The following CHMP4A variants were observed in gnomAD, a reference collection of about 807,000 sequenced individuals.
The protein encoded by CHMP4A is charged multivesicular body protein 4A, also known as SNF7 homolog associated with Alix-2.
Under a neutral mutation model 28.2 loss-of-function variants are expected in CHMP4A, and 29 were observed. The ratio of observed to expected loss-of-function variants is 1.03; its 90% CI spans 0.77 to 1.40. CHMP4A has a LOEUF of 1.40. Among genes scored for constraint, CHMP4A ranks in the 40% most tolerant of loss-of-function variants. CHMP4A has a pLI of 0.00. For missense variants in CHMP4A, 241 were observed against 263.5 expected (o/e 0.91, Z 0.59); for synonymous variants, 88 against 99.3 (o/e 0.89, Z 0.67).
Position 24,213,418 on chromosome 14 carries a change from A to G in CHMP4A, c.22T>C (p.Phe8Leu), listed in dbSNP as rs1457849995. The change falls in exon 1 of 6, where the codon TTC becomes CTC. Residue 8 changes from phenylalanine (F) to leucine (L), a missense_variant. Physicochemically the swap from Phe to Leu is conservative, Grantham distance 22 (BLOSUM62 0). Coordinates refer to ENST00000347519, the MANE Select transcript of CHMP4A (RefSeq NM_014169.5). ...TCCCACCCTGGCTCACCCTTCCCGA[A>G]GAGCCTGCCGAGACCACTCATCGCG... MSGLGRL[F>L]GKGKKEKGPT... is the part of the protein sequence containing the mutation. 1.9e-6 allele frequency: 3 copies of G among 1,603,724 alleles called. No homozygotes were observed. Among genetic ancestry groups the G allele is most frequent in the Non-Finnish European group, 2.5e-6 (3 of 1,176,776 alleles).
intron 4 of CHMP4A, 47 bp from the exon 5 acceptor site, chr14:24,210,530 A>G (rs770462288): frequency 6.2e-7 from 1 of 1,600,194 alleles, no homozygotes. Context: ...AAAAACTTCT[A>G]CCTCCAAAAA....
chr14:24,209,691 T>G lies in CHMP4A; in HGVS notation c.*186A>C. On this transcript the variant is annotated 3_prime_UTR_variant, in exon 6 of 6. Transcript: ENST00000347519. ...GAGAAGGGAGCCCAAGGGCTCCTTC[T>G]GTAGCAAGATCCTTCTTCAGAGTTG... The G allele has an allele frequency of 4.7e-6, 3 of 633,062 alleles. No homozygotes were observed. Among genetic ancestry groups the G allele is most frequent in the Non-Finnish European group, 8.5e-6 (3 of 351,286 alleles). 39.2% of individuals were successfully genotyped at this position (633,062 alleles called of 1,614,324 possible). A position where few individuals can be genotyped will look rare whatever the true frequency, so the allele number is the denominator to read the frequency against.
chr14:24,213,467 C>A lies in CHMP4A; in HGVS notation c.-28G>T. The A allele has an allele frequency of 6.2e-7, 1 of 1,613,038 alleles. No homozygotes were observed. Among genetic ancestry groups the A allele is most frequent in the Non-Finnish European group, 8.5e-7 (1 of 1,179,674 alleles). On this transcript the variant is annotated 5_prime_UTR_variant, in exon 1 of 6. Transcript: ENST00000347519. ...CGAGCTCGCCTCTCCCGCCTCCGCC[C>A]CTCAGCGTCCTCCAGACTTCCGCCT...
At position 24,211,791 on chromosome 14, in the gene CHMP4A, G is replaced by A. The variant is rs375389578; in HGVS notation, c.70C>T (p.Gln24Ter). Residue 24 changes from glutamine (Q) to a stop codon, truncating the protein, a stop_gained, in exon 2 of 6, where the codon CAG becomes TAG. Coordinates refer to ENST00000347519, the MANE Select transcript of CHMP4A (RefSeq NM_014169.5). LOFTEE classifies it high-confidence loss of function. ...ATCTTCTCTGTCTCCTTCAGTTTCT[G>A]TATTGCTTCTTCAGGGGTTGGCCCT... ...EKGPTPEEAI[Q>*]KLKETEKILI... 5.6e-6 allele frequency: 9 copies of A among 1,613,948 alleles called. No individual in the cohort carries two copies. Among genetic ancestry groups the A allele is most frequent in the Non-Finnish European group, 7.6e-6 (9 of 1,180,022 alleles).
chr14:24,210,012 G>A (rs117408687), intron 5 of CHMP4A, 77 bp from the exon 6 acceptor site: 13,938 of 1,298,566 alleles, frequency 0.011, 171 homozygotes, highest in Admixed American at 0.047. Flanking sequence ...CCCCTGCTAT[G>A]ACATTCAGAG....
Position 24,210,676 on chromosome 14 carries a change from C to A in CHMP4A, c.452G>T (p.Gly151Val), listed in dbSNP as rs754252657. 1 of 1,613,810 alleles carries A rather than the reference C, an allele frequency of 6.2e-7. No homozygotes were observed. The highest frequency in any genetic ancestry group is 1.3e-5 in the African/African-American group (1 of 74,900). The change falls in exon 4 of 6, where the codon GGC (glycine) becomes GTC (valine). Residue 151 changes from glycine to valine, a missense_variant. Transcript: ENST00000347519. Reference sequence around the variant, plus strand: ...CACCTCATCCACATCATCTCCAAAGCCCATAGGCCGAGAAATGGCATCTGA... The same window carrying A: ...CACCTCATCCACATCATCTCCAAAGACCATAGGCCGAGAAATGGCATCTGA... ...QISDAISRPMGFGDDVDEDEL... is the reference protein window; with the variant it reads ...QISDAISRPMVFGDDVDEDEL...
intron 1 of CHMP4A, chr14:24,212,098 C>CTT: frequency 3.5e-6 from 1 of 285,378 alleles, no homozygotes; most frequent in Non-Finnish European, 6.5e-6. Context: ...AGCTGCCTTT[C>CTT]TTTTTTTTTC....
At chr14:24,212,033 G>A in intron 1 of CHMP4A, 1 of 504,374 alleles carries the variant, frequency 2.0e-6, no homozygotes, top group Non-Finnish European at 3.5e-6. Flanking sequence ...AGATTGTGCA[G>A]GAATCAAGAT....
chr14:24,211,587 G>A lies in CHMP4A; in HGVS notation c.187C>T (p.Leu63=). The A allele has an allele frequency of 1.2e-6, 2 of 1,612,178 alleles. No homozygotes were observed. Among genetic ancestry groups the A allele is most frequent in the Non-Finnish European group, 1.7e-6 (2 of 1,178,290 alleles). ...KYGTKNKRAA[L]QALRRKKRFE... ...CTTTTCTTCCTCCGCAAAGCCTGTA[G>A]GGCAGCTGACCCAGCCCATACCCTG... The change falls in exon 3 of 6, where the codon CTA becomes TTA. Residue 63 remains leucine (L), a synonymous_variant. Coordinates refer to ENST00000347519, the MANE Select transcript of CHMP4A (RefSeq NM_014169.5).
chr14:24,211,730 A>T lies in CHMP4A; in HGVS notation c.131T>A (p.Ile44Asn), dbSNP rs1339767718. 6.2e-7 allele frequency: 1 copy of T among 1,613,990 alleles called. No individual in the cohort carries two copies. The highest frequency in any genetic ancestry group is 1.3e-5 in the African/African-American group (1 of 74,888). The change falls in exon 2 of 6, where the codon ATT (isoleucine) becomes AAT (asparagine). Residue 44 changes from isoleucine (I) to asparagine (N), a missense_variant. Coordinates refer to ENST00000347519, the MANE Select transcript of CHMP4A (RefSeq NM_014169.5). ...CTTGGCTGTTTGTAGCTCCTGTTGAATCTTCTGCTCCAAAAATTCCTGTTT... is the reference window on the plus strand; with the variant it reads ...CTTGGCTGTTTGTAGCTCCTGTTGATTCTTCTGCTCCAAAAATTCCTGTTT... ...IKKQEFLEQKIQQELQTAKKY... is the reference protein window; with the variant it reads ...IKKQEFLEQKNQQELQTAKKY...
At position 24,210,502 on chromosome 14, in the gene CHMP4A, A is replaced by T; in HGVS notation, c.475-19T>A. 1.2e-6 allele frequency: 2 copies of T among 1,609,396 alleles called. No homozygotes were observed. Among genetic ancestry groups the T allele is most frequent in the Non-Finnish European group, 1.7e-6 (2 of 1,178,588 alleles). On this transcript the variant is annotated intron_variant, in intron 4 of 5. Coordinates refer to ENST00000347519, the MANE Select transcript of CHMP4A (RefSeq NM_014169.5). Reference sequence around the variant, plus strand: ...GTTCATCCTGGATAGGGAAGACAAGACCACTTTAGATGAAGAAAAAAACTT... The same window carrying T: ...GTTCATCCTGGATAGGGAAGACAAGTCCACTTTAGATGAAGAAAAAAACTT...
In CHMP4A at chr14:24,209,756, G is replaced by C; in HGVS notation, c.*121C>G. On this transcript the variant is annotated 3_prime_UTR_variant, in exon 6 of 6. Coordinates refer to ENST00000347519, the MANE Select transcript of CHMP4A (RefSeq NM_014169.5). ...GGGTAAGAGACCCTTTTTTCAGGCA[G>C]GGTCACACTACCACCCTCAGCATGA... is the stretch of plus-strand genomic sequence containing the variant. 1.1e-6 allele frequency: 1 copy of C among 891,422 alleles called. No homozygotes were observed. The highest frequency in any genetic ancestry group is 1.9e-6 in the Non-Finnish European group (1 of 540,412). The allele number at this position is 891,422 out of a possible 1,614,324, so 55.2% of individuals were successfully genotyped here.
Position 24,210,387 on chromosome 14 carries a change from A to T in CHMP4A, c.571T>A (p.Leu191Met). 9 of 1,614,068 alleles carry T rather than the reference A, an allele frequency of 5.6e-6. No homozygotes were observed. Among genetic ancestry groups the T allele is most frequent in the Non-Finnish European group, 7.6e-6 (9 of 1,180,010 alleles). ...AGATGAGTAGAAGGTACACTAGGCA[A>T]TTTGACTGAGGGTTCTTCTTCCTTG... ...GDKEEEPSVKLPSVPSTHLPA... is the reference protein window; with the variant it reads ...GDKEEEPSVKMPSVPSTHLPA... The change falls in exon 5 of 6, where the codon TTG becomes ATG. Residue 191 changes from leucine (L) to methionine (M), a missense_variant. Transcript: ENST00000347519.
intron 5 of CHMP4A, 129 bp from the exon 6 acceptor site, chr14:24,210,064 G>C: frequency 1.1e-6 from 1 of 933,968 alleles, no homozygotes; most frequent in Non-Finnish European, 1.7e-6. Context: ...CTAAAGGTAT[G>C]GTCCTTCTGC....
Position 24,209,636 on chromosome 14 carries a change from G to T in CHMP4A, c.*241C>A, listed in dbSNP as rs1416495538. On this transcript the variant is annotated 3_prime_UTR_variant, in exon 6 of 6. Coordinates refer to ENST00000347519, the MANE Select transcript of CHMP4A (RefSeq NM_014169.5). Reference sequence around the variant, plus strand: ...AGGATTCCATCTGCCCAGTTTTATTGGGAACAAGGGCATTATAACTGCTAT... The same window carrying T: ...AGGATTCCATCTGCCCAGTTTTATTTGGAACAAGGGCATTATAACTGCTAT... The T allele has an allele frequency of 4.0e-6, 2 of 494,786 alleles. No homozygotes were observed. Among genetic ancestry groups the T allele is most frequent in the Admixed American group, 3.4e-5 (1 of 29,660 alleles). The allele number at this position is 494,786 out of a possible 1,614,324, so 30.6% of individuals were successfully genotyped here.
chr14:24,210,696 A>C lies in CHMP4A; in HGVS notation c.432T>G (p.Asp144Glu), dbSNP rs371942693. The C allele has an allele frequency of 6.2e-7, 1 of 1,614,154 alleles. No homozygotes were observed. The highest frequency in any genetic ancestry group is 8.5e-7 in the Non-Finnish European group (1 of 1,180,018). Reference protein sequence around the residue: ...EQQEVAQQISDAISRPMGFGD... With the variant: ...EQQEVAQQISEAISRPMGFGD... ...CAAAGCCCATAGGCCGAGAAATGGC[A>C]TCTGAGATCTGCTGGGCCACCTCCT... Residue 144 changes from aspartate (D) to glutamate (E), a missense_variant, in exon 4 of 6, where the codon GAT becomes GAG. Asp to Glu is a conservative substitution (Grantham distance 45, BLOSUM62 2). Transcript: ENST00000347519.
At chr14:24,210,261 T>G in intron 5 of CHMP4A, 87 bp downstream of exon 5, 1 of 1,531,714 alleles carries the variant, frequency 6.5e-7, no homozygotes. Flanking sequence ...GTGTGGCTCC[T>G]TTGAGGCAGG....
rs201017397 is a variant in CHMP4A at position 24,213,375 on chromosome 14, C to A, written c.31+34G>T. 1.4e-5 allele frequency: 22 copies of A among 1,537,134 alleles called. No homozygotes were observed. The Admixed American group carries it at 2.9e-4, about 20-fold the overall frequency. ...TCTCCTCTTCCCCTGCACCAGCCAGCGCCTCCTGGCTGGCCAGTCCCACCC... is the reference window on the plus strand; with the variant it reads ...TCTCCTCTTCCCCTGCACCAGCCAGAGCCTCCTGGCTGGCCAGTCCCACCC... On this transcript the variant is annotated intron_variant, in intron 1 of 5. Transcript: ENST00000347519.
At chr14:24,213,375 C>T (rs201017397) in intron 1 of CHMP4A, 34 bp downstream of exon 1, 2 of 1,537,134 alleles carry the variant, frequency 1.3e-6, no homozygotes, top group East Asian at 4.8e-5. Context: ...CACCAGCCAG[C>T]GCCTCCTGGC....
Sources: allele counts gnomAD v4.1 joint callset, GRCh38; gene constraint gnomAD v4.1.1; transcripts MANE v1.5; gene names NCBI Gene and HGNC (gene_info 2026-07-23, HGNC 2026-07-21).